MTAP: variants seen among roughly 807,000 people sequenced by gnomAD.
MTAP encodes the protein methylthioadenosine phosphorylase, also known as S-methyl-5'-thioadenosine phosphorylase.
Under a neutral mutation model 33.6 loss-of-function variants are expected in MTAP, and 33 were observed. That is an observed-to-expected ratio of 0.98 (90% CI 0.74 to 1.31). MTAP has a LOEUF of 1.31. Among genes scored for constraint, MTAP ranks in the 40% most tolerant of loss-of-function variants. MTAP has a pLI of 0.00. For missense variants in MTAP, 367 were observed against 360.0 expected (o/e 1.02, Z -0.16); for synonymous variants, 148 against 125.7 (o/e 1.18, Z -1.19).
intron 1 of MTAP, among the ~76,000 whole-genome samples, chr9:21,813,133 A>T (rs559381102): frequency 1.3e-5 from 2 of 152,222 alleles, no homozygotes; most frequent in African/African-American, 4.8e-5. Flanking sequence ...TGGGTACTTC[A>T]TCCCAGTTGT....
intron 1 of MTAP, among the ~76,000 whole-genome samples, chr9:21,914,547 C>T (rs1016614998): frequency 1.3e-5 from 2 of 150,506 alleles, no homozygotes; most frequent in Non-Finnish European, 2.9e-5. Flanking sequence ...AACCAAACAC[C>T]GCGTGTTCTC....
At chr9:21,880,107 C>T (rs1817982908) in intron 1 of MTAP, among the ~76,000 whole-genome samples, 1 of 152,062 alleles carries the variant, frequency 6.6e-6, no homozygotes, top group African/African-American at 2.4e-5. Context: ...ATATTGATGG[C>T]ATTTGGAGGT....
chr9:21,886,872 G>C (rs1335861052), intron 1 of MTAP, among the ~76,000 whole-genome samples: 3 of 152,278 alleles, frequency 2.0e-5, no homozygotes, highest in Non-Finnish European at 4.4e-5. Context: ...TGGATAATAT[G>C]ATACCTTCAG....
At chr9:21,831,279 T>C (rs562316780) in intron 4 of MTAP, among the ~76,000 whole-genome samples, 16 of 152,354 alleles carry the variant, frequency 1.1e-4, no homozygotes, top group African/African-American at 3.6e-4. Flanking sequence ...ATATTTATTA[T>C]GCAAATCTAA....
chr9:21,876,986 C>T (rs1010534858), intron 1 of MTAP, among the ~76,000 whole-genome samples: 1 of 152,038 alleles, frequency 6.6e-6, no homozygotes, highest in Non-Finnish European at 1.5e-5. Context: ...TCTTCCTGTT[C>T]GTGAGCATGG....
chr9:21,904,223 G>A (rs937389402), intron 1 of MTAP, among the ~76,000 whole-genome samples: 3 of 152,184 alleles, frequency 2.0e-5, no homozygotes, highest in Non-Finnish European at 4.4e-5. Context: ...CTCTGCTGAT[G>A]TGGTCCTCTC....
At chr9:21,834,472 A>T (rs1004269132) in intron 4 of MTAP, among the ~76,000 whole-genome samples, 5 of 152,232 alleles carry the variant, frequency 3.3e-5, no homozygotes, top group Non-Finnish European at 7.3e-5. Context: ...TTTGGAGTGT[A>T]TCGTGGGTCT....
At chr9:21,909,138 C>A (rs1818522962) in intron 1 of MTAP, among the ~76,000 whole-genome samples, 1 of 151,940 alleles carries the variant, frequency 6.6e-6, no homozygotes. Flanking sequence ...AGAAAAATTC[C>A]TTTAGCCTAA....
At chr9:21,884,426 A>C (rs72691585) in intron 1 of MTAP, among the ~76,000 whole-genome samples, 10,014 of 152,282 alleles carry the variant, frequency 0.066, 565 homozygotes, top group East Asian at 0.24. Flanking sequence ...CCTTTCAAAC[A>C]TAATGTTAAG....
Position 21,802,766 on chromosome 9 carries a change from C to A in MTAP, c.18C>A (p.Thr6=). The change falls in exon 1 of 8, where the codon ACC becomes ACA. Residue 6 remains threonine, a synonymous_variant. Transcript: ENST00000644715. MASGT[T]TTAVKIGIIG... ...GTGCAGACATGGCCTCTGGCACCAC[C>A]ACCACCGCCGTGAAGGTGAGATGAG... 1 of 1,612,936 alleles carries A rather than the reference C, an allele frequency of 6.2e-7. No individual in the cohort carries two copies. The highest frequency in any genetic ancestry group is 2.2e-5 in the East Asian group (1 of 44,812).
At chr9:21,841,283 T>C (rs1435161456) in intron 5 of MTAP, among the ~76,000 whole-genome samples, 1 of 152,220 alleles carries the variant, frequency 6.6e-6, no homozygotes, top group Non-Finnish European at 1.5e-5. Context: ...CAGCTGGTGC[T>C]CTCTTGAAAG....
chr9:21,864,977 T>C lies in MTAP; in HGVS notation c.*2963T>C, dbSNP rs1359831917. ...TCAACAAGCATTTAGCCAGCACTTA[T>C]CCAGTGAAACAATTTGATAAGGTTT... is the stretch of plus-strand genomic sequence containing the variant. On this transcript the variant is annotated 3_prime_UTR_variant, in exon 8 of 8. Transcript: ENST00000644715. The C allele has an allele frequency of 2.0e-6, 2 of 985,332 alleles. No homozygotes were observed. Among genetic ancestry groups the C allele is most frequent in the East Asian group, 1.1e-4 (1 of 8,822 alleles). 61.0% of individuals were successfully genotyped at this position (985,332 alleles called of 1,614,324 possible). A position where few individuals can be genotyped will look rare whatever the true frequency, so the allele number is the denominator to read the frequency against.
At chr9:21,903,710 G>T (rs953394489) in intron 1 of MTAP, among the ~76,000 whole-genome samples, 4 of 152,162 alleles carry the variant, frequency 2.6e-5, no homozygotes, top group African/African-American at 7.2e-5. Flanking sequence ...CTCTCAAAGG[G>T]CATGCGATGA....
chr9:21,849,364 G>A (rs1191349645), intron 5 of MTAP, among the ~76,000 whole-genome samples: 1 of 152,174 alleles, frequency 6.6e-6, no homozygotes, highest in Non-Finnish European at 1.5e-5. Context: ...AACCCAAACT[G>A]TCATGTGGTC....
chr9:21,879,578 A>G (rs1417800624), intron 1 of MTAP, among the ~76,000 whole-genome samples: 1 of 151,874 alleles, frequency 6.6e-6, no homozygotes, highest in East Asian at 1.9e-4. Flanking sequence ...ATATGTGTGG[A>G]TTTGATCCTG....
chr9:21,912,594 A>G (rs1312003091), intron 1 of MTAP, among the ~76,000 whole-genome samples: 5 of 152,228 alleles, frequency 3.3e-5, no homozygotes, highest in Non-Finnish European at 7.3e-5. Context: ...GCTTCATGCT[A>G]AAAACTCTCC....
intron 5 of MTAP, among the ~76,000 whole-genome samples, chr9:21,849,208 C>T (rs1002854021): frequency 8.5e-5 from 13 of 152,154 alleles, no homozygotes; most frequent in Admixed American, 5.2e-4. Context: ...ATATTACCAA[C>T]AATTTATGCT....
intron 4 of MTAP, among the ~76,000 whole-genome samples, chr9:21,828,572 G>A (rs1166712815): frequency 1.3e-5 from 2 of 152,098 alleles, no homozygotes; most frequent in Non-Finnish European, 2.9e-5. Flanking sequence ...CTACTCGGAA[G>A]GCTGAGGCAG....
At chr9:21,921,113 T>C (rs1042672699) in intron 1 of MTAP, among the ~76,000 whole-genome samples, 5 of 152,110 alleles carry the variant, frequency 3.3e-5, no homozygotes, top group Non-Finnish European at 7.4e-5. Flanking sequence ...TCTTTATGAT[T>C]CAATCTTAGT....
Sources: gnomAD v4.1 joint callset for allele counts (sites outside exome capture counted in the v4.1 genomes callset) on GRCh38, gnomAD v4.1.1 for gene constraint, MANE v1.5 for transcripts, NCBI Gene and HGNC (gene_info 2026-07-23, HGNC 2026-07-21) for gene names.